The following TSNARE1 variants were observed in gnomAD, a reference collection of about 807,000 sequenced individuals.
TSNARE1 encodes the protein t-SNARE domain-containing protein 1.
In TSNARE1, 49 loss-of-function variants were observed where a neutral mutation model predicts 62.0. The observed-to-expected ratio is 0.79, with a 90% CI of 0.63 to 1.00. The LOEUF (loss-of-function observed/expected upper bound fraction) is 1.00. Among genes scored for constraint, TSNARE1 ranks in the 50% least tolerant of loss-of-function variants. The probability of loss-of-function intolerance (pLI) is 0.00; values close to 1 mark genes in which losing one functional copy is unlikely to be tolerated. For missense variants in TSNARE1, 755 were observed against 700.1 expected (o/e 1.08, Z -0.88); for synonymous variants, 328 against 294.4 (o/e 1.11, Z -1.17).
intron 10 of TSNARE1, among the ~76,000 whole-genome samples, chr8:142,286,189 A>T (rs1190004635): frequency 6.6e-6 from 1 of 152,018 alleles, no homozygotes; most frequent in Non-Finnish European, 1.5e-5. Context: ...AACCCTCCTC[A>T]CATAGCGCCT....
intron 12 of TSNARE1, chr8:142,247,564 T>G (rs917619000): frequency 4.6e-5 from 7 of 152,132 alleles, no homozygotes; most frequent in African/African-American, 1.7e-4. Flanking sequence ...ATGTCTTGAG[T>G]CTCGCCCATG....
chr8:142,323,538 G>A (rs1270628118), intron 6 of TSNARE1, among the ~76,000 whole-genome samples: 23 of 152,246 alleles, frequency 1.5e-4, no homozygotes, highest in Admixed American at 1.5e-3. Flanking sequence ...CAACGGGGCA[G>A]CAAGGCCAAG....
At chr8:142,277,123 G>A (rs1820628751) in intron 11 of TSNARE1, 1 of 985,266 alleles carries the variant, frequency 1.0e-6, no homozygotes, top group Admixed American at 6.1e-5. Flanking sequence ...GTCAGGTCTT[G>A]GAGGCCCCCA....
chr8:142,344,034 T>A lies in TSNARE1; in HGVS notation c.677A>T (p.Gln226Leu). The A allele has an allele frequency of 6.3e-7, 1 of 1,577,598 alleles. No homozygotes were observed. Among genetic ancestry groups the A allele is most frequent in the Non-Finnish European group, 8.6e-7 (1 of 1,159,912 alleles). Residue 226 changes from glutamine to leucine, a missense_variant, in exon 4 of 14, where the codon CAG becomes CTG. Physicochemically the swap from Gln to Leu is moderately radical, Grantham distance 113 (BLOSUM62 -2). Coordinates refer to ENST00000524325, the MANE Select transcript of TSNARE1 (RefSeq NM_145003.5). ...PQALALTPVE[Q>L]VVAKTFSCQA... ...GCAAGAGAAGGTCTTGGCCACCACC[T>A]GCTCCACGGGCGTGAGAGCCAGGGC...
chr8:142,290,064 C>T (rs1823498257), intron 10 of TSNARE1, among the ~76,000 whole-genome samples: 1 of 152,196 alleles, frequency 6.6e-6, no homozygotes, highest in Non-Finnish European at 1.5e-5. Flanking sequence ...GGAGGAAGCT[C>T]GGGGCAGGCG....
rs189270750 is a variant in TSNARE1, at chr8:142,360,605, G to A, written c.-39-5842C>T. Among the ~76,000 whole-genome samples, 330 of 151,798 alleles carry A rather than the reference G, an allele frequency of 2.2e-3. 2 individuals carry two copies. The highest frequency in any genetic ancestry group is 7.7e-3 in the African/African-American group (317 of 41,424). On this transcript the variant is annotated intron_variant, in intron 1 of 13. Coordinates refer to ENST00000524325, the MANE Select transcript of TSNARE1 (RefSeq NM_145003.5). The stretch of plus-strand genomic sequence containing the variant: ...CCAGCCACCAGCCCCTCAGGCTGGC[G>A]CCGGCCCTCCCCAGGGCCCCCGCCC...
At chr8:142,354,605 T>A in intron 2 of TSNARE1, 32 bp downstream of exon 2, 32 of 1,376,030 alleles carry the variant, frequency 2.3e-5, no homozygotes, top group Non-Finnish European at 3.0e-5. Flanking sequence ...CATCCCCTCC[T>A]CCCCGCCCCC....
intron 6 of TSNARE1, 100 bp from the exon 7 acceptor site, chr8:142,318,734 G>C (rs555084312): frequency 6.2e-5 from 66 of 1,070,448 alleles, no homozygotes; most frequent in Middle Eastern, 5.0e-4. Context: ...CGGGCCGAGT[G>C]GGGGAGACAG....
chr8:142,359,251 G>A (rs1056124807), intron 1 of TSNARE1, among the ~76,000 whole-genome samples: 1 of 152,034 alleles, frequency 6.6e-6, no homozygotes, highest in African/African-American at 2.4e-5. Flanking sequence ...CTTACCACAC[G>A]TCAGGCCGAG....
Position 142,291,180 on chromosome 8 carries a change from G to C in TSNARE1, c.1291-6695C>G, listed in dbSNP as rs1823676033. Reference sequence around the variant, plus strand: ...TCTTTCCATGCCTGGCTCTGGACCTGCGGGTGGCCTTGGAGACAAATCCCA... The same window carrying C: ...TCTTTCCATGCCTGGCTCTGGACCTCCGGGTGGCCTTGGAGACAAATCCCA... On this transcript the variant is annotated intron_variant, in intron 10 of 13. Coordinates refer to ENST00000524325, the MANE Select transcript of TSNARE1 (RefSeq NM_145003.5). This position sits in a 1 kb window ranked among gnomAD's most constrained non-coding sequence, Gnocchi z 4.8. Among the ~76,000 whole-genome samples, 1 of 151,988 alleles carries C rather than the reference G, an allele frequency of 6.6e-6. No individual in the cohort carries two copies. Among genetic ancestry groups the C allele is most frequent in the South Asian group, 2.1e-4 (1 of 4,826 alleles).
At chr8:142,374,323 G>GA (rs370093132) in intron 1 of TSNARE1, among the ~76,000 whole-genome samples, 134 of 142,114 alleles carry the variant, frequency 9.4e-4, no homozygotes, top group African/African-American at 2.3e-3. Flanking sequence ...AAAAGAAAAA[G>GA]AAAAAAAAAA....
At chr8:142,340,078 C>T (rs927960886) in intron 4 of TSNARE1, among the ~76,000 whole-genome samples, 1 of 152,270 alleles carries the variant, frequency 6.6e-6, no homozygotes, top group African/African-American at 2.4e-5. Context: ...TGGCCAGGGT[C>T]GGGGCCTCAT....
chr8:142,368,389 C>G (rs559449147), intron 1 of TSNARE1, among the ~76,000 whole-genome samples: 1 of 152,146 alleles, frequency 6.6e-6, no homozygotes, highest in Non-Finnish European at 1.5e-5. Flanking sequence ...TATACTGGTT[C>G]GGAGAGTTCC....
At chr8:142,282,406 TGGGGCCAGTGTCTATTAATGAGCGGAGCA>T (rs1821672418) in intron 11 of TSNARE1, among the ~76,000 whole-genome samples, 1 of 148,936 alleles carries the variant, frequency 6.7e-6, no homozygotes, top group Non-Finnish European at 1.5e-5. Context: ...ATGATCAGGG[TGGGGCCAGTGTCTATTAATGAGCGGAGCA>T]GGGGCCAGTG....
At chr8:142,386,927 C>A (rs1165189012) in intron 1 of TSNARE1, among the ~76,000 whole-genome samples, 1 of 152,208 alleles carries the variant, frequency 6.6e-6, no homozygotes, top group Non-Finnish European at 1.5e-5. Flanking sequence ...AAGGATTATA[C>A]ATGACCTAAA....
In TSNARE1 at chr8:142,323,846, G is replaced by A. The variant is rs113738544; in HGVS notation, c.894-5212C>T. 9.5e-4 allele frequency among the ~76,000 whole-genome samples: 145 copies of A among 152,272 alleles called. 1 individual carries two copies. The highest frequency in any genetic ancestry group is 3.2e-3 in the African/African-American group (134 of 41,552). ...TTCCCCATCCATCCTCACGGCCACC[G>A]AGGGAGGGGTCCCACTCCATCACCA... On this transcript the variant is annotated intron_variant, in intron 6 of 13. Coordinates refer to ENST00000524325, the MANE Select transcript of TSNARE1 (RefSeq NM_145003.5).
chr8:142,346,106 T>C (rs745878705), intron 2 of TSNARE1, among the ~76,000 whole-genome samples: 2 of 152,194 alleles, frequency 1.3e-5, no homozygotes, highest in Non-Finnish European at 2.9e-5. Context: ...GTTCCGGACT[T>C]TTCTCTGAAC....
chr8:142,332,788 G>A (rs181390768), intron 4 of TSNARE1, among the ~76,000 whole-genome samples: 30 of 152,200 alleles, frequency 2.0e-4, no homozygotes, highest in South Asian at 4.2e-4. Flanking sequence ...GGAAACACTC[G>A]CTGCCTGCCC....
intron 2 of TSNARE1, among the ~76,000 whole-genome samples, chr8:142,350,626 A>AT (rs34463393): frequency 0.31 from 46,685 of 152,058 alleles, 9,220 homozygotes; most frequent in African/African-American, 0.56. Flanking sequence ...AAAGAAACAC[A>AT]TAATAGGTGA....
Sources: allele counts gnomAD v4.1 joint callset (sites outside exome capture counted in the v4.1 genomes callset), GRCh38; gene constraint gnomAD v4.1.1; non-coding constraint Gnocchi (gnomAD v3.1); transcripts MANE v1.5; gene names NCBI Gene and HGNC (gene_info 2026-07-23, HGNC 2026-07-21).